DCHS2: variants seen among roughly 807,000 people sequenced by gnomAD.
DCHS2 encodes the protein dachsous cadherin-related 2, also known as protocadherin-23.
A neutral mutation model predicts 182.4 loss-of-function variants in DCHS2; 142 were observed. The ratio of observed to expected loss-of-function variants is 0.78; its 90% confidence interval spans 0.68 to 0.89. The LOEUF (loss-of-function observed/expected upper bound fraction) is 0.89, where lower values mean the gene tolerates loss of function less well. DCHS2 is among the 40% of genes least tolerant of loss of function. The pLI is 0.00. For missense variants in DCHS2, 4,319 were observed against 4,198.6 expected (o/e 1.03, Z -0.79); for synonymous variants, 1,740 against 1,663.3 (o/e 1.05, Z -1.12).
intron 13 of DCHS2, among the ~76,000 whole-genome samples, chr4:154,284,178 C>T (rs1561010739): frequency 6.6e-6 from 1 of 152,154 alleles, no homozygotes; most frequent in Admixed American, 6.5e-5. Flanking sequence ...TGCAGCAGCT[C>T]TTCATGAAAA....
intron 1 of DCHS2, among the ~76,000 whole-genome samples, chr4:154,487,274 C>T (rs1460009512): frequency 1.3e-5 from 2 of 152,120 alleles, no homozygotes; most frequent in African/African-American, 2.4e-5. Context: ...TACCCGGGCT[C>T]CTCTACATTT....
rs749521098 is a variant in DCHS2, at chr4:154,333,164, C to T, written c.3044G>A (p.Arg1015Gln). 1 of 1,614,184 alleles carries T rather than the reference C, an allele frequency of 6.2e-7. No homozygotes were observed. Among genetic ancestry groups the T allele is most frequent in the Non-Finnish European group, 8.5e-7 (1 of 1,180,032 alleles). ...DRDSGRNGLI[R>Q]YSIASPQPGV... ...TGGCTGCGGGCTGGCGATGGAGTACCGGATGAGTCCGTTCCGCCCACTGTC... is the reference window on the plus strand; with the variant it reads ...TGGCTGCGGGCTGGCGATGGAGTACTGGATGAGTCCGTTCCGCCCACTGTC... Residue 1015 changes from arginine to glutamine, a missense_variant, in exon 5 of 20, where the codon CGG becomes CAG. Transcript: ENST00000357232.
chr4:154,253,436 C>T (rs1578862142), intron 16 of DCHS2, among the ~76,000 whole-genome samples: 1 of 152,092 alleles, frequency 6.6e-6, no homozygotes, highest in Admixed American at 6.5e-5. Flanking sequence ...AAGAAGAACA[C>T]TGTAACAGAA....
chr4:154,378,833 A>G (rs1731044666), intron 1 of DCHS2, among the ~76,000 whole-genome samples: 2 of 152,128 alleles, frequency 1.3e-5, no homozygotes, highest in Admixed American at 1.3e-4. Context: ...TCCTTTATTT[A>G]CAGAAAAATC....
intron 1 of DCHS2, among the ~76,000 whole-genome samples, chr4:154,422,319 C>T (rs1399134548): frequency 6.6e-6 from 1 of 152,206 alleles, no homozygotes; most frequent in East Asian, 1.9e-4. Flanking sequence ...AGCATCTTCA[C>T]TTGAGTGACC....
Position 154,366,227 on chromosome 4 carries a change from G to A in DCHS2, c.2459C>T (p.Thr820Ile). The change falls in exon 3 of 20, where the codon ACC becomes ATC. Residue 820 changes from threonine to isoleucine, a missense_variant. Thr to Ile is a moderately conservative substitution (Grantham distance 89, BLOSUM62 -1). Transcript: ENST00000357232. ...TCACATACCTGTGGTGGAGTCAATG[G>A]TAAAAAGGGACGACACGTTTCCTGG... ...LIPGNVSSLFTIDSTTGIIYL... is the reference protein window; with the variant it reads ...LIPGNVSSLFIIDSTTGIIYL... 1.2e-6 allele frequency: 2 copies of A among 1,613,366 alleles called. No homozygotes were observed. The highest frequency in any genetic ancestry group is 1.7e-6 in the Non-Finnish European group (2 of 1,179,700).
chr4:154,313,485 A>C lies in DCHS2; in HGVS notation c.5260+2263T>G, dbSNP rs1735744734. On this transcript the variant is annotated intron_variant, in intron 10 of 19. Coordinates refer to ENST00000357232, the MANE Select transcript of DCHS2 (RefSeq NM_001358235.2). ...CATGTTAAGCTCTCTAGTATTAAGG[A>C]ACACTGTGGTATTTTTTTAAAAAAA... is the stretch of plus-strand genomic sequence containing the variant. Among the ~76,000 whole-genome samples, 3 of 152,172 alleles carry C rather than the reference A, an allele frequency of 2.0e-5. No individual in the cohort carries two copies. The South Asian group carries it at 6.2e-4, about 32-fold the overall frequency.
intron 1 of DCHS2, among the ~76,000 whole-genome samples, chr4:154,441,523 A>G (rs1005263953): frequency 6.6e-6 from 1 of 151,952 alleles, no homozygotes; most frequent in Admixed American, 6.6e-5. Context: ...TGCAGTGATG[A>G]TTGCTGGCAA....
chr4:154,259,500 C>CCCCA (rs1553998922), intron 15 of DCHS2, 45 bp downstream of exon 15: 1 of 1,410,300 alleles, frequency 7.1e-7, no homozygotes, highest in Admixed American at 1.8e-5. Context: ...ACAGACACAC[C>CCCCA]CACACACACA....
intron 2 of DCHS2, among the ~76,000 whole-genome samples, chr4:154,372,236 G>T (rs1256927872): frequency 2.0e-5 from 3 of 152,076 alleles, no homozygotes; most frequent in African/African-American, 7.2e-5. Context: ...ACAGGTGGAG[G>T]GTGCTAATGA....
At chr4:154,403,573 A>G (rs1401712443) in intron 1 of DCHS2, among the ~76,000 whole-genome samples, 1 of 152,070 alleles carries the variant, frequency 6.6e-6, no homozygotes, top group African/African-American at 2.4e-5. Flanking sequence ...TTTTATGTCT[A>G]TGTTCATTAG....
intron 1 of DCHS2, among the ~76,000 whole-genome samples, chr4:154,394,979 T>C (rs1295985489): frequency 6.6e-6 from 1 of 151,974 alleles, no homozygotes. Context: ...ATGTGCCCAT[T>C]TGGAGAAAGG....
At chr4:154,303,022 C>T (rs545141685) in intron 12 of DCHS2, among the ~76,000 whole-genome samples, 23 of 149,912 alleles carry the variant, frequency 1.5e-4, no homozygotes, top group African/African-American at 5.1e-4. Context: ...ACTCTTTTCC[C>T]CCAGGAGGGA....
At chr4:154,362,986 G>T (rs757637727) in intron 3 of DCHS2, among the ~76,000 whole-genome samples, 7 of 152,076 alleles carry the variant, frequency 4.6e-5, no homozygotes, top group Non-Finnish European at 1.0e-4. Flanking sequence ...TTAAGTTTTG[G>T]GGGAGTCAGA....
intron 1 of DCHS2, among the ~76,000 whole-genome samples, chr4:154,391,884 C>A (rs1227976195): frequency 6.6e-6 from 1 of 152,102 alleles, no homozygotes; most frequent in East Asian, 1.9e-4. Flanking sequence ...AGATAGAAGA[C>A]CATTGTGCAG....
intron 3 of DCHS2, among the ~76,000 whole-genome samples, chr4:154,339,234 C>A (rs1296046316): frequency 6.6e-6 from 1 of 152,160 alleles, no homozygotes; most frequent in African/African-American, 2.4e-5. Flanking sequence ...AGGCAGAGAG[C>A]AAATTCAACC....
At chr4:154,361,847 A>G (rs1008585744) in intron 3 of DCHS2, among the ~76,000 whole-genome samples, 9 of 152,102 alleles carry the variant, frequency 5.9e-5, no homozygotes, top group Admixed American at 2.6e-4. Context: ...GTGGCATAAT[A>G]GATCAATGAG....
chr4:154,398,394 C>T (rs1579046307), intron 1 of DCHS2, among the ~76,000 whole-genome samples: 1 of 152,114 alleles, frequency 6.6e-6, no homozygotes, highest in East Asian at 1.9e-4. Context: ...ATATATTAAG[C>T]ACTCAACAAA....
rs1399248099 is a variant in DCHS2 at position 154,411,416 on chromosome 4, G to A, written c.2053-33972C>T. Reference sequence around the variant, plus strand: ...GTTCAAGACCAGCCTGGTCAATATGGTGAAACCCTGTCTCTTCTAAAAATA... The same window carrying A: ...GTTCAAGACCAGCCTGGTCAATATGATGAAACCCTGTCTCTTCTAAAAATA... On this transcript the variant is annotated intron_variant, in intron 1 of 19. Coordinates refer to ENST00000357232, the MANE Select transcript of DCHS2 (RefSeq NM_001358235.2). 4.6e-5 allele frequency among the ~76,000 whole-genome samples: 7 copies of A among 152,104 alleles called. No homozygotes were observed. The East Asian group carries it at 1.2e-3, about 25-fold the overall frequency.
Sources: allele counts gnomAD v4.1 joint callset (sites outside exome capture counted in the v4.1 genomes callset), GRCh38; gene constraint gnomAD v4.1.1; transcripts MANE v1.5; gene names NCBI Gene and HGNC (gene_info 2026-07-23, HGNC 2026-07-21).